PDE7B: variants seen among roughly 807,000 people sequenced by gnomAD.
The protein encoded by PDE7B is 3',5'-cyclic-AMP phosphodiesterase 7B.
Under a neutral mutation model 56.2 loss-of-function variants are expected in PDE7B, and 29 were observed. The observed-to-expected ratio is 0.52, with a 90% CI of 0.38 to 0.70. The LOEUF (loss-of-function observed/expected upper bound fraction) is 0.70. Among genes scored for constraint, PDE7B ranks in the 30% least tolerant of loss-of-function variants. PDE7B has a pLI of 0.00. For synonymous variants in PDE7B, 197 were observed against 196.9 expected (o/e 1.00, Z 0.00); for missense variants, 490 against 565.0 (o/e 0.87, Z 1.35).
intron 3 of PDE7B, among the ~76,000 whole-genome samples, chr6:136,130,035 AG>A (rs1778090197): frequency 6.6e-6 from 1 of 152,158 alleles, no homozygotes; most frequent in African/African-American, 2.4e-5. Context: ...TTTCCAATAT[AG>A]GTGTATGTAA....
At chr6:135,898,728 A>T (rs1461337613) in intron 1 of PDE7B, among the ~76,000 whole-genome samples, 2 of 152,338 alleles carry the variant, frequency 1.3e-5, no homozygotes, top group Non-Finnish European at 1.5e-5. Context: ...GTCTCCTATC[A>T]TTGGACATCT....
At chr6:135,889,767 T>C (rs1172844243) in intron 1 of PDE7B, among the ~76,000 whole-genome samples, 2 of 139,146 alleles carry the variant, frequency 1.4e-5, no homozygotes. Flanking sequence ...TTTTTTTTTT[T>C]TTTTTTGAGA....
At chr6:136,064,968 G>T (rs1776909028) in intron 2 of PDE7B, among the ~76,000 whole-genome samples, 2 of 152,194 alleles carry the variant, frequency 1.3e-5, no homozygotes, top group African/African-American at 4.8e-5. Flanking sequence ...ACAAATGCAA[G>T]TAACAGAGTC....
At chr6:136,046,078 A>T (rs1443795674) in intron 2 of PDE7B, among the ~76,000 whole-genome samples, 1 of 151,988 alleles carries the variant, frequency 6.6e-6, no homozygotes, top group Non-Finnish European at 1.5e-5. Context: ...AGGATCTGTG[A>T]CAGTCGTTCA....
At chr6:135,987,560 G>A (rs139591715) in intron 2 of PDE7B, among the ~76,000 whole-genome samples, 24 of 152,020 alleles carry the variant, frequency 1.6e-4, no homozygotes, top group Admixed American at 7.9e-4. Context: ...GAGTTAAGTC[G>A]CATAAGACAG....
chr6:135,941,714 T>A (rs1406750690), intron 1 of PDE7B, among the ~76,000 whole-genome samples: 2 of 152,228 alleles, frequency 1.3e-5, no homozygotes, highest in Non-Finnish European at 2.9e-5. Flanking sequence ...CCATAGCCTA[T>A]TAATTTCTTT....
At chr6:136,032,373 G>C (rs1054061781) in intron 2 of PDE7B, among the ~76,000 whole-genome samples, 2 of 152,180 alleles carry the variant, frequency 1.3e-5, no homozygotes, top group Admixed American at 6.5e-5. Flanking sequence ...ACATGGTAAA[G>C]ATCATGCAGG....
chr6:135,995,500 C>A lies in PDE7B; in HGVS notation c.82+47976C>A, dbSNP rs540289959. Among the ~76,000 whole-genome samples the A allele has an allele frequency of 1.4e-4, 22 of 152,142 alleles. No individual in the cohort carries two copies. The Middle Eastern group carries it at 0.01, about 71-fold the overall frequency. On this transcript the variant is annotated intron_variant, in intron 2 of 12. Transcript: ENST00000308191. ...AGTGAAGACACTGATGAGTATGAGT[C>A]GATTCAGGGGTAACAGCAGAAAATG...
chr6:135,899,974 T>C (rs995954277), intron 1 of PDE7B, among the ~76,000 whole-genome samples: 3 of 152,168 alleles, frequency 2.0e-5, no homozygotes, highest in African/African-American at 7.2e-5. Context: ...AATTCTTTGT[T>C]AACACCCTTT....
In PDE7B at chr6:135,923,372, G is replaced by A. The variant is rs570436203; in HGVS notation, c.22-24092G>A. Among the ~76,000 whole-genome samples, 97 of 152,048 alleles carry A rather than the reference G, an allele frequency of 6.4e-4. No homozygotes were observed. In the Middle Eastern group the frequency reaches 0.014, roughly 21 times the overall value. Reference sequence around the variant, plus strand: ...CTGATAACTAAAATTAATCTGTAAGGTATATAGAGATCTTTGTATAAATAT... The same window carrying A: ...CTGATAACTAAAATTAATCTGTAAGATATATAGAGATCTTTGTATAAATAT... On this transcript the variant is annotated intron_variant, in intron 1 of 12. Transcript: ENST00000308191.
intron 2 of PDE7B, among the ~76,000 whole-genome samples, chr6:136,104,515 T>C (rs541773781): frequency 7.2e-5 from 11 of 152,330 alleles, no homozygotes; most frequent in Non-Finnish European, 1.2e-4. Flanking sequence ...GGACTGTTGT[T>C]ACTGAATTAA....
chr6:135,927,798 TTAAAC>T (rs757372163), intron 1 of PDE7B, among the ~76,000 whole-genome samples: 1 of 152,250 alleles, frequency 6.6e-6, no homozygotes, highest in Non-Finnish European at 1.5e-5. Flanking sequence ...TGGGACCTAA[TTAAAC>T]TAAAGAGTTT....
chr6:135,904,469 A>C (rs1035720898), intron 1 of PDE7B, among the ~76,000 whole-genome samples: 1 of 152,006 alleles, frequency 6.6e-6, no homozygotes, highest in African/African-American at 2.4e-5. Flanking sequence ...CCCCTTGAAA[A>C]CCCAGAAATA....
intron 3 of PDE7B, among the ~76,000 whole-genome samples, chr6:136,130,452 G>C (rs901034743): frequency 6.6e-6 from 1 of 152,188 alleles, no homozygotes; most frequent in Non-Finnish European, 1.5e-5. Context: ...ACTCCATCAA[G>C]TGTGAGCGGC....
chr6:135,920,064 G>C (rs532623774), intron 1 of PDE7B, among the ~76,000 whole-genome samples: 2 of 152,060 alleles, frequency 1.3e-5, no homozygotes, highest in East Asian at 3.9e-4. Context: ...AAGTATCCTA[G>C]ATAATGTTGA....
chr6:136,178,885 G>A, intron 9 of PDE7B, 112 bp from the exon 10 acceptor site: 1 of 1,156,306 alleles, frequency 8.6e-7, no homozygotes. Context: ...GTAATAAACA[G>A]AATCAAAGGC....
chr6:135,881,492 G>GCAAGAC (rs1377040831), intron 1 of PDE7B, among the ~76,000 whole-genome samples: 1 of 152,106 alleles, frequency 6.6e-6, no homozygotes, highest in Non-Finnish European at 1.5e-5. Flanking sequence ...TGGTGACAGA[G>GCAAGAC]CAAGACTCTG....
intron 8 of PDE7B, among the ~76,000 whole-genome samples, chr6:136,164,686 A>G (rs1436148717): frequency 6.6e-6 from 1 of 152,198 alleles, no homozygotes; most frequent in Non-Finnish European, 1.5e-5. Context: ...TCAAATTTCA[A>G]TTTAGACTTT....
At position 136,011,830 on chromosome 6, in the gene PDE7B, CA is replaced by C. The variant is rs879586182; in HGVS notation, c.82+64315del. The stretch of plus-strand genomic sequence containing the variant: ...TCTGTGGTCAGATTTTTACTTAAAA[CA>C]AAAAAAAAGGAGAAGTTTCAGAGTA... On this transcript the variant is annotated intron_variant, in intron 2 of 12. Transcript: ENST00000308191. 4.1e-4 allele frequency among the ~76,000 whole-genome samples: 61 copies of C among 149,552 alleles called. No individual in the cohort carries two copies. In the East Asian group the frequency reaches 4.1e-3, roughly 10 times the overall value.
Sources: gnomAD v4.1 joint callset for allele counts (sites outside exome capture counted in the v4.1 genomes callset) on GRCh38, gnomAD v4.1.1 for gene constraint, MANE v1.5 for transcripts, NCBI Gene and HGNC (gene_info 2026-07-23, HGNC 2026-07-21) for gene names.